Variants in DNAH17 observed in about 807,000 individuals in gnomAD.
The protein encoded by DNAH17 is axonemal beta dynein heavy chain 17.
A neutral mutation model predicts 485.6 loss-of-function variants in DNAH17; 376 were observed. That is an observed-to-expected ratio of 0.77 (90% CI 0.71 to 0.84). DNAH17 has a LOEUF of 0.84. Among genes scored for constraint, DNAH17 ranks in the 40% least tolerant of loss-of-function variants. The pLI is 0.00. For missense variants in DNAH17, 6,370 were observed against 5,839.3 expected, an observed-to-expected ratio of 1.09 and a Z score of -2.96; for synonymous variants, 3,031 against 2,405.9, an observed-to-expected ratio of 1.26 and a Z score of -7.60.
rs183640829 is a variant in DNAH17, at chr17:78,472,365, G to A, written c.8511+2913C>T. Among the ~76,000 whole-genome samples, 117 of 148,980 alleles carry A rather than the reference G, an allele frequency of 7.9e-4. 1 individual carries two copies. The East Asian group carries it at 0.021, about 27-fold the overall frequency. Reference sequence around the variant, plus strand: ...ATTAGGGTTAGGATTTGGGAGTGGCGGGTGCGAGACACGCAGCAAGGCCTC... The same window carrying A: ...ATTAGGGTTAGGATTTGGGAGTGGCAGGTGCGAGACACGCAGCAAGGCCTC... On this transcript the variant is annotated intron_variant, in intron 54 of 80. Coordinates refer to ENST00000389840, the MANE Select transcript of DNAH17 (RefSeq NM_173628.4).
At chr17:78,573,021 C>T in intron 2 of DNAH17, 127 bp from the exon 3 acceptor site, 1 of 764,662 alleles carries the variant, frequency 1.3e-6, no homozygotes, top group Non-Finnish European at 2.1e-6. Context: ...GGGTCCCGCA[C>T]AGAGCCAGGT....
At chr17:78,576,143 G>C (rs1011255206) in intron 1 of DNAH17, among the ~76,000 whole-genome samples, 1 of 152,190 alleles carries the variant, frequency 6.6e-6, no homozygotes, top group Non-Finnish European at 1.5e-5. Context: ...GACAGATGAC[G>C]TTGGAAGCAC....
intron 48 of DNAH17, among the ~76,000 whole-genome samples, chr17:78,483,356 G>A (rs551071091): frequency 1.6e-3 from 239 of 152,344 alleles, no homozygotes; most frequent in African/African-American, 5.5e-3. Context: ...CTGGCTGAGC[G>A]TGGTGGCTCA....
At chr17:78,430,588 T>A (rs1451583629) in intron 75 of DNAH17, among the ~76,000 whole-genome samples, 1 of 152,206 alleles carries the variant, frequency 6.6e-6, no homozygotes, top group Non-Finnish European at 1.5e-5. Flanking sequence ...TTTTTTAGGT[T>A]GCTTATTTTT....
chr17:78,543,389 C>T (rs1276500441), intron 17 of DNAH17, among the ~76,000 whole-genome samples: 1 of 151,810 alleles, frequency 6.6e-6, no homozygotes, highest in East Asian at 1.9e-4. Context: ...TTCCCGGGTT[C>T]ACGCCATTCT....
chr17:78,438,448 A>AGGAGGAG (rs2086936984), intron 73 of DNAH17, among the ~76,000 whole-genome samples: 1 of 84,360 alleles, frequency 1.2e-5, no homozygotes, highest in Non-Finnish European at 2.4e-5. Flanking sequence ...AGGAGGAGGG[A>AGGAGGAG]GGAGGGAGGA....
At chr17:78,454,887 G>C (rs919735890) in intron 63 of DNAH17, among the ~76,000 whole-genome samples, 182 bp from the exon 64 acceptor site, 6 of 152,052 alleles carry the variant, frequency 3.9e-5, no homozygotes, top group South Asian at 2.1e-4. Context: ...GGCCAGAAAC[G>C]ATGTCAGCAC....
chr17:78,533,471 G>C (rs1474244430), intron 19 of DNAH17, among the ~76,000 whole-genome samples: 1 of 152,146 alleles, frequency 6.6e-6, no homozygotes, highest in Non-Finnish European at 1.5e-5. Flanking sequence ...CAGCGTGTTA[G>C]GGGAACTAAA....
intron 32 of DNAH17, 64 bp from the exon 33 acceptor site, chr17:78,502,762 A>T (rs7218164): frequency 6.3e-7 from 1 of 1,592,384 alleles, no homozygotes; most frequent in Non-Finnish European, 8.5e-7. Flanking sequence ...TAACGCAGAC[A>T]TTCCTGCTGA....
At chr17:78,538,697 T>C (rs8072405) in intron 18 of DNAH17, among the ~76,000 whole-genome samples, 116,909 of 152,080 alleles carry the variant, frequency 0.77, 45,002 homozygotes, top group African/African-American at 0.79. Context: ...TTATGGTTTT[T>C]GTTGAGACGC....
intron 52 of DNAH17, 53 bp downstream of exon 52, chr17:78,476,519 A>C (rs1598525113): frequency 6.5e-7 from 1 of 1,550,144 alleles, no homozygotes; most frequent in Non-Finnish European, 8.7e-7. Context: ...CCGACACTCC[A>C]CCCTCCTGGA....
intron 42 of DNAH17, 113 bp downstream of exon 42, chr17:78,492,520 T>C (rs2146677199): frequency 1.4e-6 from 2 of 1,453,642 alleles, no homozygotes; most frequent in Non-Finnish European, 1.9e-6. Flanking sequence ...CGTGCCTGTG[T>C]GCCCCACCCT....
At chr17:78,434,698 CCTTT>C (rs1481156967) in intron 74 of DNAH17, among the ~76,000 whole-genome samples, 2 of 151,980 alleles carry the variant, frequency 1.3e-5, no homozygotes, top group Non-Finnish European at 2.9e-5. Context: ...CTTCTCAAAC[CCTTT>C]CTTTTTATCT....
intron 24 of DNAH17, 118 bp downstream of exon 24, chr17:78,526,533 G>A (rs933617349): frequency 3.6e-6 from 3 of 826,806 alleles, no homozygotes; most frequent in Non-Finnish European, 5.6e-6. Context: ...CTCGTGCACG[G>A]CCCCAAGGTC....
intron 25 of DNAH17, among the ~76,000 whole-genome samples, chr17:78,524,428 A>T (rs917083600): frequency 6.6e-6 from 1 of 152,096 alleles, no homozygotes; most frequent in Non-Finnish European, 1.5e-5. Context: ...ATGAGCCACC[A>T]CACCGGGCCT....
intron 56 of DNAH17, 142 bp from the exon 57 acceptor site, chr17:78,463,219 C>G: frequency 1.4e-6 from 1 of 701,648 alleles, no homozygotes; most frequent in East Asian, 2.7e-5. Context: ...CCCAAAGGGG[C>G]TCCTGAGAGC....
chr17:78,444,491 A>C (rs1212815717), intron 71 of DNAH17, 113 bp downstream of exon 71: 6 of 1,064,494 alleles, frequency 5.6e-6, no homozygotes, highest in Non-Finnish European at 7.8e-6. Context: ...GGGAGAAGAA[A>C]AAAGTTCAGG....
At chr17:78,427,130 G>C (rs779955162) in intron 77 of DNAH17, 22 bp from the exon 78 acceptor site, 2 of 1,558,274 alleles carry the variant, frequency 1.3e-6, no homozygotes, top group African/African-American at 2.7e-5. Flanking sequence ...TCCCCGGACA[G>C]CCCCTGTCAC....
intron 24 of DNAH17, 152 bp downstream of exon 24, chr17:78,526,499 T>C (rs2091077282): frequency 4.9e-6 from 3 of 617,002 alleles, no homozygotes; most frequent in Admixed American, 3.2e-5. Flanking sequence ...CGCACACGTA[T>C]GTGCATGCAT....
Sources: allele counts gnomAD v4.1 joint callset (sites outside exome capture counted in the v4.1 genomes callset), GRCh38; gene constraint gnomAD v4.1.1; transcripts MANE v1.5; gene names NCBI Gene and HGNC (gene_info 2026-07-23, HGNC 2026-07-21).